Variants in CEP97 observed in about 807,000 individuals in gnomAD.
CEP97 encodes centrosomal protein of 97 kDa.
Under a neutral mutation model 73.1 loss-of-function variants are expected in CEP97, and 43 were observed. The observed-to-expected ratio is 0.59, with a 90% confidence interval of 0.46 to 0.76. CEP97 has a LOEUF of 0.76. Among genes scored for constraint, CEP97 ranks in the 30% least tolerant of loss-of-function variants. The probability of loss-of-function intolerance (pLI) is 0.00; values close to 1 mark genes in which losing one functional copy is unlikely to be tolerated. For missense variants in CEP97, 939 were observed against 1,014.0 expected, an observed-to-expected ratio of 0.93 and a Z score of 1.00; for synonymous variants, 337 against 370.0, an observed-to-expected ratio of 0.91 and a Z score of 1.02.
intron 6 of CEP97, among the ~76,000 whole-genome samples, chr3:101,754,556 A>T (rs1220954805): frequency 6.6e-6 from 1 of 152,138 alleles, no homozygotes; most frequent in Non-Finnish European, 1.5e-5. Context: ...TGCTGTGCTG[A>T]CTGAGCAGTT....
At position 101,764,884 on chromosome 3, in the gene CEP97, AG is replaced by A; in HGVS notation, c.1932del (p.Gln644HisfsTer3). 6.2e-7 allele frequency: 1 copy of A among 1,613,346 alleles called. No individual in the cohort carries two copies. On this transcript the variant is annotated frameshift_variant, in exon 11 of 11. Transcript: ENST00000341893. LOFTEE classifies it low-confidence loss of function (END_TRUNC). ...SLQVWQQTVD[Q>X]RLSSWHTDVP... Reference sequence around the variant, plus strand: ...CAGGTTTGGCAACAGACAGTGGACCAGCGTCTAAGTTCCTGGCATACTGATG... The same window carrying A: ...CAGGTTTGGCAACAGACAGTGGACCACGTCTAAGTTCCTGGCATACTGATG...
At position 101,757,620 on chromosome 3, in the gene CEP97, G is replaced by T; in HGVS notation, c.1028-14G>T. ...CATTTAGTGGTTTAAATGATACTCT[G>T]TTGATTCTTCTAGAACCCGTCATTC... On this transcript the variant is annotated splice_polypyrimidine_tract_variant and intron_variant, in intron 8 of 10. Transcript: ENST00000341893. 1 of 1,602,780 alleles carries T rather than the reference G, an allele frequency of 6.2e-7. No homozygotes were observed. Among genetic ancestry groups the T allele is most frequent in the Non-Finnish European group, 8.5e-7 (1 of 1,172,238 alleles).
chr3:101,753,204 C>G (rs1938890057), intron 6 of CEP97, among the ~76,000 whole-genome samples: 1 of 152,168 alleles, frequency 6.6e-6, no homozygotes, highest in Non-Finnish European at 1.5e-5. Context: ...GGCTGCAGAA[C>G]AACAGATTTT....
chr3:101,741,431 C>G (rs1560012531), intron 6 of CEP97, among the ~76,000 whole-genome samples: 1 of 152,106 alleles, frequency 6.6e-6, no homozygotes, highest in Non-Finnish European at 1.5e-5. Flanking sequence ...TCTAATTAAA[C>G]TAAAGAGCTT....
Position 101,768,970 on chromosome 3 carries a change from G to A in CEP97, c.*3419G>A, listed in dbSNP as rs1282926351. The A allele has an allele frequency of 2.6e-5, 4 of 152,048 alleles. No individual in the cohort carries two copies. The highest frequency in any genetic ancestry group is 6.5e-5 in the Admixed American group (1 of 15,272). 9.4% of individuals were successfully genotyped at this position (152,048 alleles called of 1,614,324 possible). A position where few individuals can be genotyped will look rare whatever the true frequency, so the allele number is the denominator to read the frequency against. ...TGTTCATTTATTTAGTCATATAATC[G>A]TTTGTATATATGTAAATAACTTTAT... On this transcript the variant is annotated 3_prime_UTR_variant, in exon 11 of 11. Coordinates refer to ENST00000341893, the MANE Select transcript of CEP97 (RefSeq NM_024548.4).
rs1358175986 is a variant in CEP97 at position 101,757,529 on chromosome 3, A to G, written c.1028-105A>G. The G allele has an allele frequency of 5.6e-6, 6 of 1,077,990 alleles. No individual in the cohort carries two copies. In the Admixed American group the frequency reaches 1.7e-4, roughly 31 times the overall value. 66.8% of individuals were successfully genotyped at this position (1,077,990 alleles called of 1,614,324 possible). On this transcript the variant is annotated intron_variant, in intron 8 of 10. Transcript: ENST00000341893. ...CATATTGGAAGAAGTCACTGAGGGG[A>G]TTTTTTTGCATTTTACTCTATTTCA...
chr3:101,731,846 C>T lies in CEP97; in HGVS notation c.454C>T (p.Leu152Phe). Residue 152 changes from leucine (L) to phenylalanine (F), a missense_variant, in exon 5 of 11, where the codon CTT becomes TTT. Transcript: ENST00000341893. ...LSKLVSLKTL[L>F]LHGNIITSLR... ...TACTGTTTTTACTTTCAAGACCCTG[C>T]TTTTACATGGAAACATCATCACCTC... The T allele has an allele frequency of 2.5e-6, 4 of 1,582,048 alleles. No individual in the cohort carries two copies. Among genetic ancestry groups the T allele is most frequent in the Non-Finnish European group, 3.5e-6 (4 of 1,153,072 alleles).
At position 101,724,649 on chromosome 3, in the gene CEP97, T is replaced by TGCAG. The variant is rs1560005244; in HGVS notation, c.-26_-25insAGGC. On this transcript the variant is annotated 5_prime_UTR_variant, in exon 1 of 11. Transcript: ENST00000341893. The stretch of plus-strand genomic sequence containing the variant: ...CTCCACAGAGCCGCGGGAGGACGGT[T>TGCAG]GCCTGGTATTATTAGCAAGCAGCAA... 4.3e-6 allele frequency: 7 copies of TGCAG among 1,614,104 alleles called. No homozygotes were observed. The highest frequency in any genetic ancestry group is 5.9e-6 in the Non-Finnish European group (7 of 1,179,958).
At chr3:101,754,941 A>G (rs1244496647) in intron 6 of CEP97, among the ~76,000 whole-genome samples, 13 of 146,814 alleles carry the variant, frequency 8.9e-5, no homozygotes, top group Non-Finnish European at 1.8e-4. Context: ...TTGGTGGACT[A>G]TAAGGTTGAC....
intron 2 of CEP97, 90 bp downstream of exon 2, chr3:101,726,826 G>T: frequency 2.2e-6 from 2 of 919,826 alleles, no homozygotes; most frequent in South Asian, 3.9e-5. Flanking sequence ...TAACTGTGCA[G>T]CCCTAGCAAG....
In CEP97 at chr3:101,724,627, C is replaced by T. The variant is rs1167926219; in HGVS notation, c.-50C>T. ...GCTCCCTCCTTCAGATTACAAGCTC[C>T]ACAGAGCCGCGGGAGGACGGTTGCC... On this transcript the variant is annotated 5_prime_UTR_variant, in exon 1 of 11. Coordinates refer to ENST00000341893, the MANE Select transcript of CEP97 (RefSeq NM_024548.4). The T allele has an allele frequency of 1.2e-6, 2 of 1,611,398 alleles. No individual in the cohort carries two copies. Among genetic ancestry groups the T allele is most frequent in the African/African-American group, 2.7e-5 (2 of 75,008 alleles).
In CEP97 at chr3:101,769,049, A is replaced by AT. The variant is rs1369466699; in HGVS notation, c.*3504dup. 4 of 152,230 alleles carry AT rather than the reference A, an allele frequency of 2.6e-5. No individual in the cohort carries two copies. In the East Asian group the frequency reaches 5.8e-4, roughly 22 times the overall value. 9.4% of individuals were successfully genotyped at this position (152,230 alleles called of 1,614,324 possible). A position where few individuals can be genotyped will look rare whatever the true frequency, so the allele number is the denominator to read the frequency against. ...CGTGTGTTTTTATCTGTTTTGGATT[A>AT]TTTTTTGTATACAAACACCATAATA... On this transcript the variant is annotated 3_prime_UTR_variant, in exon 11 of 11. Transcript: ENST00000341893.
rs142752453 is a variant in CEP97, at chr3:101,757,797, T to G, written c.1191T>G (p.Ser397Arg). The G allele has an allele frequency of 6.2e-7, 1 of 1,614,236 alleles. No homozygotes were observed. The highest frequency in any genetic ancestry group is 8.5e-7 in the Non-Finnish European group (1 of 1,180,040). ...CGGATGAGGACAAGTTAAACTGTAGTCTTCTCTCTTCAGAGTCTACTTTTA... is the reference window on the plus strand; with the variant it reads ...CGGATGAGGACAAGTTAAACTGTAGGCTTCTCTCTTCAGAGTCTACTTTTA... ...IQTDEDKLNC[S>R]LLSSESTFMP... The change falls in exon 9 of 11, where the codon AGT becomes AGG. Residue 397 changes from serine (S) to arginine (R), a missense_variant. Physicochemically the swap from Ser to Arg is moderately radical, Grantham distance 110. Coordinates refer to ENST00000341893, the MANE Select transcript of CEP97 (RefSeq NM_024548.4).
At chr3:101,726,475 A>T in intron 1 of CEP97, 119 bp from the exon 2 acceptor site, 1 of 569,892 alleles carries the variant, frequency 1.8e-6, no homozygotes, top group South Asian at 4.8e-5. Flanking sequence ...GATATTTATT[A>T]TGCTCTACTG....
At chr3:101,758,858 C>T (rs1241997024) in intron 9 of CEP97, 1 of 160,776 alleles carries the variant, frequency 6.2e-6, no homozygotes, top group East Asian at 1.8e-4. Context: ...GGAATTATTC[C>T]TTAATCCCAT....
At chr3:101,748,568 T>C (rs1938698297) in intron 6 of CEP97, among the ~76,000 whole-genome samples, 1 of 152,216 alleles carries the variant, frequency 6.6e-6, no homozygotes, top group South Asian at 2.1e-4. Flanking sequence ...GGAGAATGTA[T>C]GCAGACTTAG....
At chr3:101,762,409 T>A (rs1939196554) in intron 9 of CEP97, 76 bp from the exon 10 acceptor site, 1 of 763,546 alleles carries the variant, frequency 1.3e-6, no homozygotes, top group African/African-American at 1.8e-5. Context: ...ACAATGCATG[T>A]GTTTATGAGT....
chr3:101,769,999 C>T lies in CEP97; in HGVS notation c.*4448C>T, dbSNP rs1371566774. The T allele has an allele frequency of 6.6e-6, 1 of 152,022 alleles. No homozygotes were observed. Among genetic ancestry groups the T allele is most frequent in the Non-Finnish European group, 1.5e-5 (1 of 67,980 alleles). The allele number at this position is 152,022 out of a possible 1,614,324, so 9.4% of individuals were successfully genotyped here. ...ATTTTAGTGGATAGCAGGAATCACT[C>T]TGTAGTAGTTGTGTTCATTTTCTTT... On this transcript the variant is annotated 3_prime_UTR_variant, in exon 11 of 11. Coordinates refer to ENST00000341893, the MANE Select transcript of CEP97 (RefSeq NM_024548.4).
intron 6 of CEP97, among the ~76,000 whole-genome samples, chr3:101,737,516 A>G (rs1178461438): frequency 6.6e-6 from 1 of 152,230 alleles, no homozygotes; most frequent in Non-Finnish European, 1.5e-5. Context: ...ACAAGCCAGA[A>G]GAGAGTGGGG....
Sources: allele counts gnomAD v4.1 joint callset (sites outside exome capture counted in the v4.1 genomes callset), GRCh38; gene constraint gnomAD v4.1.1; transcripts MANE v1.5; gene names NCBI Gene and HGNC (gene_info 2026-07-23, HGNC 2026-07-21).